Variants in CLMP observed in about 807,000 individuals in gnomAD.
CLMP encodes the protein CXADR-like membrane protein.
In CLMP, 27 loss-of-function variants were observed where a neutral mutation model predicts 45.2. The ratio of observed to expected loss-of-function variants is 0.60; its 90% confidence interval spans 0.44 to 0.82. The LOEUF (loss-of-function observed/expected upper bound fraction) is 0.82, where lower values mean the gene tolerates loss of function less well. CLMP is among the 40% of genes least tolerant of loss of function. The pLI is 0.00. For synonymous variants in CLMP, 167 were observed against 171.4 expected, an observed-to-expected ratio of 0.97 and a Z score of 0.20; for missense variants, 403 against 448.4, an observed-to-expected ratio of 0.90 and a Z score of 0.91.
intron 1 of CLMP, among the ~76,000 whole-genome samples, chr11:123,137,147 C>T (rs373374386): frequency 3.6e-5 from 3 of 82,466 alleles, no homozygotes; most frequent in South Asian, 4.8e-4. Flanking sequence ...TTTTCTTTTT[C>T]TTTTTTTTTT....
At chr11:123,134,397 G>A (rs546701348) in intron 1 of CLMP, among the ~76,000 whole-genome samples, 2 of 152,186 alleles carry the variant, frequency 1.3e-5, no homozygotes, top group African/African-American at 2.4e-5. Flanking sequence ...TCTTTAACAA[G>A]TATTATGATT....
intron 1 of CLMP, among the ~76,000 whole-genome samples, chr11:123,172,861 C>A (rs1455583993): frequency 6.6e-6 from 1 of 152,174 alleles, no homozygotes; most frequent in Admixed American, 6.5e-5. Flanking sequence ...TGGGCCAAGG[C>A]TATGAATGGT....
chr11:123,178,009 C>T (rs752501245), intron 1 of CLMP, among the ~76,000 whole-genome samples: 2 of 152,040 alleles, frequency 1.3e-5, no homozygotes, highest in African/African-American at 2.4e-5. Context: ...ATTACAGGCA[C>T]GTGCCACTAT....
chr11:123,159,912 A>G (rs1009751065), intron 1 of CLMP, among the ~76,000 whole-genome samples: 5 of 152,228 alleles, frequency 3.3e-5, no homozygotes, highest in African/African-American at 1.2e-4. Context: ...GATGATGATG[A>G]TAATTTTATT....
At chr11:123,106,557 G>GT (rs1860560668) in intron 1 of CLMP, among the ~76,000 whole-genome samples, 1 of 152,148 alleles carries the variant, frequency 6.6e-6, no homozygotes, top group Non-Finnish European at 1.5e-5. Flanking sequence ...AGTAGTGGCT[G>GT]TAAGACCAAT....
intron 1 of CLMP, among the ~76,000 whole-genome samples, chr11:123,134,479 T>C (rs1212005478): frequency 6.6e-6 from 1 of 151,714 alleles, no homozygotes; most frequent in Non-Finnish European, 1.5e-5. Context: ...AGGGGAGCCA[T>C]TGGGGTTTTT....
chr11:123,111,942 G>A (rs1399857302), intron 1 of CLMP, among the ~76,000 whole-genome samples: 3 of 152,094 alleles, frequency 2.0e-5, no homozygotes, highest in East Asian at 1.9e-4. Context: ...TTTAGAGACG[G>A]TATTTCACCA....
At chr11:123,121,635 G>A (rs1298305473) in intron 1 of CLMP, among the ~76,000 whole-genome samples, 1 of 152,054 alleles carries the variant, frequency 6.6e-6, no homozygotes, top group Non-Finnish European at 1.5e-5. Flanking sequence ...GTCAGTGGGA[G>A]GTGGGTAATG....
intron 1 of CLMP, among the ~76,000 whole-genome samples, chr11:123,104,476 C>T (rs1467278799): frequency 6.6e-6 from 1 of 151,892 alleles, no homozygotes; most frequent in Non-Finnish European, 1.5e-5. Context: ...CCTCCGCCTC[C>T]CAGGTTCAAA....
chr11:123,159,963 G>A (rs1432145497), intron 1 of CLMP, among the ~76,000 whole-genome samples: 2 of 152,148 alleles, frequency 1.3e-5, no homozygotes, highest in South Asian at 2.1e-4. Flanking sequence ...CCACAAAACA[G>A]ACCCTGGTGG....
At chr11:123,077,915 T>A (rs1173137629) in intron 5 of CLMP, among the ~76,000 whole-genome samples, 1 of 152,158 alleles carries the variant, frequency 6.6e-6, no homozygotes, top group Non-Finnish European at 1.5e-5. Flanking sequence ...GAGACCAGCC[T>A]GGCCAACATG....
chr11:123,138,802 C>T (rs945814119), intron 1 of CLMP, among the ~76,000 whole-genome samples: 1 of 152,092 alleles, frequency 6.6e-6, no homozygotes, highest in Non-Finnish European at 1.5e-5. Context: ...TACAGGTGTG[C>T]ACCACCACAC....
intron 2 of CLMP, among the ~76,000 whole-genome samples, chr11:123,094,798 T>C (rs994450750): frequency 1.3e-5 from 2 of 152,074 alleles, no homozygotes; most frequent in Non-Finnish European, 2.9e-5. Flanking sequence ...TCCCCTCCTT[T>C]CTTAAAAGAA....
At chr11:123,103,838 T>TC (rs1860492469) in intron 1 of CLMP, among the ~76,000 whole-genome samples, 1 of 151,278 alleles carries the variant, frequency 6.6e-6, no homozygotes, top group South Asian at 2.1e-4. Flanking sequence ...GTCTCTTTTT[T>TC]TTTTTTTTTG....
chr11:123,106,367 T>A (rs1261974069), intron 1 of CLMP, among the ~76,000 whole-genome samples: 1 of 151,482 alleles, frequency 6.6e-6, no homozygotes, highest in Non-Finnish European at 1.5e-5. Context: ...CAGCTACATA[T>A]ATAATTCTGT....
chr11:123,132,321 C>T (rs1014917257), intron 1 of CLMP, among the ~76,000 whole-genome samples: 5 of 152,312 alleles, frequency 3.3e-5, no homozygotes, highest in African/African-American at 4.8e-5. Flanking sequence ...CTGTCAAATA[C>T]GGAAAGCTAT....
chr11:123,119,904 C>T (rs1186682639), intron 1 of CLMP, among the ~76,000 whole-genome samples: 1 of 152,130 alleles, frequency 6.6e-6, no homozygotes, highest in East Asian at 1.9e-4. Flanking sequence ...CTAGGCTGGT[C>T]TCGAACTCCT....
intron 1 of CLMP, among the ~76,000 whole-genome samples, chr11:123,190,644 C>T (rs1039447900): frequency 2.0e-5 from 3 of 152,196 alleles, no homozygotes; most frequent in Non-Finnish European, 4.4e-5. Flanking sequence ...CCTGAATACA[C>T]CAGACATACA....
At chr11:123,159,162 T>TA (rs941780630) in intron 1 of CLMP, among the ~76,000 whole-genome samples, 93 of 152,342 alleles carry the variant, frequency 6.1e-4, no homozygotes, top group African/African-American at 2.2e-3. Flanking sequence ...GTATGTTATT[T>TA]AAAAAATACC....
Sources: gnomAD v4.1 joint callset for allele counts (sites outside exome capture counted in the v4.1 genomes callset) on GRCh38, gnomAD v4.1.1 for gene constraint, MANE v1.5 for transcripts, NCBI Gene and HGNC (gene_info 2026-07-23, HGNC 2026-07-21) for gene names.